Variants in GAPDH observed in about 807,000 individuals in gnomAD.
GAPDH encodes glyceraldehyde-3-phosphate dehydrogenase, also known as OCAS, p38 component.
GAPDH carries 13 observed loss-of-function variants against 31.2 expected under a neutral mutation model. The observed-to-expected ratio is 0.42, with a 90% confidence interval of 0.27 to 0.66. The LOEUF (loss-of-function observed/expected upper bound fraction) is 0.66. Among genes scored for constraint, GAPDH ranks in the 30% least tolerant of loss-of-function variants. The pLI is 0.26. For missense variants in GAPDH, 300 were observed against 443.7 expected, an observed-to-expected ratio of 0.68 and a Z score of 2.91; for synonymous variants, 211 against 166.9, an observed-to-expected ratio of 1.26 and a Z score of -2.04.
Position 6,537,006 on chromosome 12 carries a change from C to T in GAPDH, c.323C>T (p.Ala108Val), listed in dbSNP as rs1476103758. Residue 108 changes from alanine (A) to valine (V), a missense_variant, in exon 5 of 9, where the codon GCT becomes GTT. Ala to Val is a moderately conservative substitution (Grantham distance 64). Coordinates refer to ENST00000229239, the MANE Select transcript of GAPDH (RefSeq NM_002046.7). This position sits in a 1 kb window ranked among gnomAD's most constrained non-coding sequence, Gnocchi z 4.9. The stretch of plus-strand genomic sequence containing the variant: ...GGCGTCTTCACCACCATGGAGAAGG[C>T]TGGGGTGAGTGCAGGAGGGCCCGCG... ...STGVFTTMEK[A>V]GAHLQGGAKR... The T allele has an allele frequency of 6.2e-7, 1 of 1,613,554 alleles. No homozygotes were observed. Among genetic ancestry groups the T allele is most frequent in the Non-Finnish European group, 8.5e-7 (1 of 1,179,706 alleles).
rs1946524787 is a variant in GAPDH at position 6,537,986 on chromosome 12, C to T, written c.928C>T (p.Leu310Phe). ...TGCCCTCAACGACCACTTTGTCAAG[C>T]TCATTTCCTGGTATGTGGCTGGGGC... ...GIALNDHFVK[L>F]ISWYDNEFGY... The change falls in exon 8 of 9, where the codon CTC (leucine) becomes TTC (phenylalanine). Residue 310 changes from leucine (L) to phenylalanine (F), a missense_variant. By Grantham distance (22) the Leu-to-Phe change is conservative (BLOSUM62 0). Transcript: ENST00000229239. This position sits in a 1 kb window ranked among gnomAD's most constrained non-coding sequence, Gnocchi z 4.9. The T allele has an allele frequency of 1.2e-6, 2 of 1,613,082 alleles. No homozygotes were observed. The highest frequency in any genetic ancestry group is 1.7e-6 in the Non-Finnish European group (2 of 1,179,212).
Position 6,538,227 on chromosome 12 carries a change from G to T in GAPDH, c.*57G>T. 7.2e-7 allele frequency: 1 copy of T among 1,395,652 alleles called. No individual in the cohort carries two copies. Among genetic ancestry groups the T allele is most frequent in the South Asian group, 1.1e-5 (1 of 87,364 alleles). 86.5% of individuals were successfully genotyped at this position (1,395,652 alleles called of 1,614,324 possible). Reference sequence around the variant, plus strand: ...CAAGAGGAAGAGAGAGACCCTCACTGCTGGGGAGTCCCTGCCACACTCAGT... The same window carrying T: ...CAAGAGGAAGAGAGAGACCCTCACTTCTGGGGAGTCCCTGCCACACTCAGT... On this transcript the variant is annotated 3_prime_UTR_variant, in exon 9 of 9. Coordinates refer to ENST00000229239, the MANE Select transcript of GAPDH (RefSeq NM_002046.7).
rs1212317098 is a variant in GAPDH at position 6,536,802 on chromosome 12, A to G, written c.236+12A>G. The stretch of plus-strand genomic sequence containing the variant: ...ACCATCTTCCAGGAGTGAGTGGAAG[A>G]CAGAATGGAAGAAATGTGCTTTGGG... On this transcript the variant is annotated intron_variant, in intron 4 of 8. Transcript: ENST00000229239. 1.2e-6 allele frequency: 2 copies of G among 1,609,562 alleles called. No homozygotes were observed. Among genetic ancestry groups the G allele is most frequent in the East Asian group, 4.5e-5 (2 of 44,852 alleles).
chr12:6,537,541 G>A lies in GAPDH; in HGVS notation c.526-43G>A, dbSNP rs1005695394. 1 of 1,594,216 alleles carries A rather than the reference G, an allele frequency of 6.3e-7. No individual in the cohort carries two copies. The highest frequency in any genetic ancestry group is 8.6e-7 in the Non-Finnish European group (1 of 1,169,286). On this transcript the variant is annotated intron_variant, in intron 7 of 8. Coordinates refer to ENST00000229239, the MANE Select transcript of GAPDH (RefSeq NM_002046.7). The surrounding 1 kb of genome is among the most constrained non-coding windows in gnomAD (Gnocchi z 4.9). ...TTCAAGGTGGGGAGGGAGGTAGAGG[G>A]GTGATGTGGGGAGTACGCTGCAGGG...
intron 2 of GAPDH, among the ~76,000 whole-genome samples, chr12:6,535,672 C>T (rs1946447771): frequency 6.6e-6 from 1 of 152,134 alleles, no homozygotes. Flanking sequence ...CCCCTGCCAG[C>T]CTAGCGTTGA....
At position 6,537,596 on chromosome 12, in the gene GAPDH, G is replaced by A; in HGVS notation, c.538G>A (p.Ala180Thr). ...IVEGLMTTVH[A>T]ITATQKTVDG... ...ACTCCTTTTGCAGACCACAGTCCATGCCATCACTGCCACCCAGAAGACTGT... is the reference window on the plus strand; with the variant it reads ...ACTCCTTTTGCAGACCACAGTCCATACCATCACTGCCACCCAGAAGACTGT... Residue 180 changes from alanine (A) to threonine (T), a missense_variant, in exon 8 of 9, where the codon GCC becomes ACC. Coordinates refer to ENST00000229239, the MANE Select transcript of GAPDH (RefSeq NM_002046.7). This position sits in a 1 kb window ranked among gnomAD's most constrained non-coding sequence, Gnocchi z 4.9. The A allele has an allele frequency of 6.2e-7, 1 of 1,611,754 alleles. No individual in the cohort carries two copies. Among genetic ancestry groups the A allele is most frequent in the Non-Finnish European group, 8.5e-7 (1 of 1,179,580 alleles).
intron 2 of GAPDH, 27 bp from the exon 3 acceptor site, chr12:6,536,467 C>G (rs762516255): frequency 1.3e-6 from 2 of 1,563,454 alleles, no homozygotes; most frequent in East Asian, 4.5e-5. Flanking sequence ...CTCCCCTCCT[C>G]ATGCCTTCTT....
rs1456603250 is a variant in GAPDH at position 6,537,233 on chromosome 12, C to T, written c.443+17C>T. On this transcript the variant is annotated intron_variant, in intron 6 of 8. Transcript: ENST00000229239. The surrounding 1 kb of genome is among the most constrained non-coding windows in gnomAD (Gnocchi z 4.9). Reference sequence around the variant, plus strand: ...GATCATCAGGTGAGGAAGGCAGGGCCCGTGGAGAAGCGGCCAGCCTGGCAC... The same window carrying T: ...GATCATCAGGTGAGGAAGGCAGGGCTCGTGGAGAAGCGGCCAGCCTGGCAC... The T allele has an allele frequency of 3.1e-6, 5 of 1,597,746 alleles. No individual in the cohort carries two copies. The highest frequency in any genetic ancestry group is 4.2e-6 in the Non-Finnish European group (5 of 1,176,966).
intron 2 of GAPDH, chr12:6,535,118 G>C (rs1433980486): frequency 1.2e-6 from 1 of 849,998 alleles, no homozygotes; most frequent in African/African-American, 1.8e-5. Flanking sequence ...CCCTACTCCC[G>C]CCCGAGATCC....
In GAPDH at chr12:6,534,879, T is replaced by TG. The variant is rs747077720; in HGVS notation, c.29+24dup. 3 of 1,611,936 alleles carry TG rather than the reference T, an allele frequency of 1.9e-6. No homozygotes were observed. The highest frequency in any genetic ancestry group is 1.7e-5 in the Admixed American group (1 of 59,916). On this transcript the variant is annotated intron_variant, in intron 2 of 8. Coordinates refer to ENST00000229239, the MANE Select transcript of GAPDH (RefSeq NM_002046.7). ...GTCAACGGGTGAGTTCGCGGGTGGCTGGGGGGCCCTGGGCTGCGACCGCCC... is the reference window on the plus strand; with the variant it reads ...GTCAACGGGTGAGTTCGCGGGTGGCTGGGGGGGCCCTGGGCTGCGACCGCCC...
chr12:6,537,502 T>C lies in GAPDH; in HGVS notation c.526-82T>C, dbSNP rs1278071480. The C allele has an allele frequency of 3.2e-6, 5 of 1,583,484 alleles. No individual in the cohort carries two copies. The African/African-American group carries it at 6.7e-5, about 21-fold the overall frequency. On this transcript the variant is annotated intron_variant, in intron 7 of 8. Coordinates refer to ENST00000229239, the MANE Select transcript of GAPDH (RefSeq NM_002046.7). This position sits in a 1 kb window ranked among gnomAD's most constrained non-coding sequence, Gnocchi z 4.9. ...GGTTGGGGGTTCTGGGGACTGGCTT[T>C]CCCATAATTTCCTTTCAAGGTGGGG...
Position 6,537,528 on chromosome 12 carries a change from A to T in GAPDH, c.526-56A>T. 1.3e-6 allele frequency: 2 copies of T among 1,586,870 alleles called. No homozygotes were observed. The highest frequency in any genetic ancestry group is 1.7e-6 in the Non-Finnish European group (2 of 1,164,498). On this transcript the variant is annotated intron_variant, in intron 7 of 8. Transcript: ENST00000229239. The surrounding 1 kb of genome is among the most constrained non-coding windows in gnomAD (Gnocchi z 4.9). ...CCCATAATTTCCTTTCAAGGTGGGG[A>T]GGGAGGTAGAGGGGTGATGTGGGGA...
Position 6,534,918 on chromosome 12 carries a change from A to G in GAPDH, c.29+57A>G, listed in dbSNP as rs117200642. ...CTGCGACCGCCCCCGAACCGCGTCT[A>G]CGAGCCTTGCGGGCTCCGGGTCTTT... On this transcript the variant is annotated intron_variant, in intron 2 of 8. Transcript: ENST00000229239. 1,647 of 1,589,464 alleles carry G rather than the reference A, an allele frequency of 1.0e-3. 21 individuals are homozygous for G. The East Asian group carries it at 0.032, about 31-fold the overall frequency.
Position 6,537,467 on chromosome 12 carries a change from G to C in GAPDH, c.525+77G>C, listed in dbSNP as rs567733940. On this transcript the variant is annotated intron_variant, in intron 7 of 8. Coordinates refer to ENST00000229239, the MANE Select transcript of GAPDH (RefSeq NM_002046.7). The surrounding 1 kb of genome is among the most constrained non-coding windows in gnomAD (Gnocchi z 4.9). The stretch of plus-strand genomic sequence containing the variant: ...TGGCTCCTCCCTGCCGGGGCTGCGT[G>C]CAACCCTGGGGTTGGGGGTTCTGGG... The C allele has an allele frequency of 5.1e-6, 8 of 1,582,896 alleles. No individual in the cohort carries two copies. The African/African-American group carries it at 1.1e-4, about 21-fold the overall frequency.
In GAPDH at chr12:6,536,732, G is replaced by T. The variant is rs11549351; in HGVS notation, c.178G>T (p.Val60Phe). Residue 60 changes from valine to phenylalanine, a missense_variant, in exon 4 of 9, where the codon GTC becomes TTC. By Grantham distance (50) the Val-to-Phe change is conservative. Transcript: ENST00000229239. ...CACCCATGGCAAATTCCATGGCACCGTCAAGGCTGAGAACGGGAAGCTTGT... is the reference window on the plus strand; with the variant it reads ...CACCCATGGCAAATTCCATGGCACCTTCAAGGCTGAGAACGGGAAGCTTGT... ...DSTHGKFHGT[V>F]KAENGKLVIN... 2.5e-6 allele frequency: 4 copies of T among 1,613,994 alleles called. No individual in the cohort carries two copies. Among genetic ancestry groups the T allele is most frequent in the Non-Finnish European group, 3.4e-6 (4 of 1,179,980 alleles).
chr12:6,536,434 C>T, intron 2 of GAPDH, 60 bp from the exon 3 acceptor site: 1 of 1,251,364 alleles, frequency 8.0e-7, no homozygotes, highest in Non-Finnish European at 1.2e-6. Flanking sequence ...TGGCCTAGGG[C>T]TGCTCACATA....
Position 6,538,084 on chromosome 12 carries a change from C to G in GAPDH, c.939-17C>G. 1 of 1,598,054 alleles carries G rather than the reference C, an allele frequency of 6.3e-7. No individual in the cohort carries two copies. The highest frequency in any genetic ancestry group is 8.5e-7 in the Non-Finnish European group (1 of 1,179,568). On this transcript the variant is annotated splice_polypyrimidine_tract_variant and intron_variant, in intron 8 of 8. Transcript: ENST00000229239. ...TGGCTCAGAAAAAGGGCCCTGACAA[C>G]TCTTTTCATCTTCTAGGTATGACAA... is the stretch of plus-strand genomic sequence containing the variant.
In GAPDH at chr12:6,537,764, C is replaced by T; in HGVS notation, c.706C>T (p.Pro236Ser). 6.2e-7 allele frequency: 1 copy of T among 1,611,750 alleles called. No individual in the cohort carries two copies. Among genetic ancestry groups the T allele is most frequent in the Non-Finnish European group, 8.5e-7 (1 of 1,179,836 alleles). The change falls in exon 8 of 9, where the codon CCC (proline) becomes TCC (serine). Residue 236 changes from proline to serine, a missense_variant. Pro to Ser is a moderately conservative substitution (Grantham distance 74). Coordinates refer to ENST00000229239, the MANE Select transcript of GAPDH (RefSeq NM_002046.7). This position sits in a 1 kb window ranked among gnomAD's most constrained non-coding sequence, Gnocchi z 4.9. The part of the protein sequence containing the change: ...GKLTGMAFRV[P>S]TANVSVVDLT... ...GCTCACTGGCATGGCCTTCCGTGTCCCCACTGCCAACGTGTCAGTGGTGGA... is the reference window on the plus strand; with the variant it reads ...GCTCACTGGCATGGCCTTCCGTGTCTCCACTGCCAACGTGTCAGTGGTGGA...
chr12:6,537,460 G>C lies in GAPDH; in HGVS notation c.525+70G>C. 1 of 1,582,388 alleles carries C rather than the reference G, an allele frequency of 6.3e-7. No homozygotes were observed. Among genetic ancestry groups the C allele is most frequent in the Non-Finnish European group, 8.7e-7 (1 of 1,154,246 alleles). Reference sequence around the variant, plus strand: ...CCAAGACTGGCTCCTCCCTGCCGGGGCTGCGTGCAACCCTGGGGTTGGGGG... The same window carrying C: ...CCAAGACTGGCTCCTCCCTGCCGGGCCTGCGTGCAACCCTGGGGTTGGGGG... On this transcript the variant is annotated intron_variant, in intron 7 of 8. Coordinates refer to ENST00000229239, the MANE Select transcript of GAPDH (RefSeq NM_002046.7). The surrounding 1 kb of genome is among the most constrained non-coding windows in gnomAD (Gnocchi z 4.9).
Sources: allele counts gnomAD v4.1 joint callset (sites outside exome capture counted in the v4.1 genomes callset), GRCh38; gene constraint gnomAD v4.1.1; non-coding constraint Gnocchi (gnomAD v3.1); transcripts MANE v1.5; gene names NCBI Gene and HGNC (gene_info 2026-07-23, HGNC 2026-07-21).